Variants in GRM8 observed in about 807,000 individuals in gnomAD.
GRM8 encodes the protein metabotropic glutamate receptor 8.
A neutral mutation model predicts 87.2 loss-of-function variants in GRM8; 47 were observed. The observed-to-expected ratio is 0.54, with a 90% CI of 0.43 to 0.69. The LOEUF (loss-of-function observed/expected upper bound fraction) is 0.69. Among genes scored for constraint, GRM8 ranks in the 30% least tolerant of loss-of-function variants. The pLI is 0.00. For synonymous variants in GRM8, 396 were observed against 404.5 expected, an observed-to-expected ratio of 0.98 and a Z score of 0.25; for missense variants, 1,019 against 1,139.2, an observed-to-expected ratio of 0.89 and a Z score of 1.52.
chr7:126,533,764 G>A lies in GRM8; in HGVS notation c.1618C>T (p.Arg540Cys), dbSNP rs569817460. Residue 540 changes from arginine (R) to cysteine (C), a missense_variant, in exon 9 of 11, where the codon CGC (arginine) becomes TGC (cysteine). Physicochemically the swap from Arg to Cys is radical, Grantham distance 180 (BLOSUM62 -3). Transcript: ENST00000339582. ...ACCTGGTAGTTGTAACCTTCACAGC[G>A]TTCACAGTGCCAGCAGCAAGGGACC... ...KGVPCCWHCE[R>C]CEGYNYQVDE... The A allele has an allele frequency of 3.2e-5, 52 of 1,613,998 alleles. No individual in the cohort carries two copies. Among genetic ancestry groups the A allele is most frequent in the Admixed American group, 5.0e-5 (3 of 60,028 alleles).
intron 3 of GRM8, among the ~76,000 whole-genome samples, chr7:127,007,072 G>T (rs3808130): frequency 1.3e-5 from 2 of 151,922 alleles, no homozygotes; most frequent in East Asian, 1.9e-4. Flanking sequence ...AAAATTCTAC[G>T]TTGGAGAGAA....
At chr7:127,117,289 TG>T (rs1826752065) in intron 2 of GRM8, among the ~76,000 whole-genome samples, 1 of 152,018 alleles carries the variant, frequency 6.6e-6, no homozygotes, top group Non-Finnish European at 1.5e-5. Context: ...TGCTTTGGTT[TG>T]TTTCTTTACA....
chr7:126,904,171 TACC>T lies in GRM8; in HGVS notation c.864-48_864-46del, dbSNP rs1259336710. 6 of 1,479,630 alleles carry T rather than the reference TACC, an allele frequency of 4.1e-6. No individual in the cohort carries two copies. The East Asian group carries it at 6.8e-5, about 17-fold the overall frequency. The allele number at this position is 1,479,630 out of a possible 1,614,324, so 91.7% of individuals were successfully genotyped here. Reference sequence around the variant, plus strand: ...TAATGCATATCACATGTATTAAAAATACCACAATTATGAATATTACAAGACCAG... The same window carrying T: ...TAATGCATATCACATGTATTAAAAATACAATTATGAATATTACAAGACCAG... On this transcript the variant is annotated intron_variant, in intron 4 of 10. Coordinates refer to ENST00000339582, the MANE Select transcript of GRM8 (RefSeq NM_000845.3).
intron 6 of GRM8, among the ~76,000 whole-genome samples, chr7:126,861,130 A>T (rs767663273): frequency 1.3e-5 from 2 of 152,090 alleles, no homozygotes; most frequent in Non-Finnish European, 2.9e-5. Flanking sequence ...TTTCCTACCC[A>T]GACATTATTA....
At chr7:127,153,059 A>G (rs1042629915) in intron 2 of GRM8, among the ~76,000 whole-genome samples, 11 of 152,096 alleles carry the variant, frequency 7.2e-5, no homozygotes, top group Non-Finnish European at 1.5e-4. Flanking sequence ...CAAGACCATA[A>G]CCCAATTACT....
chr7:127,090,206 G>A (rs191139298), intron 3 of GRM8, among the ~76,000 whole-genome samples: 16 of 152,230 alleles, frequency 1.1e-4, no homozygotes, highest in African/African-American at 3.9e-4. Flanking sequence ...TTCTGCACAC[G>A]TACCTCAACT....
chr7:127,215,378 A>G (rs1471618177), intron 2 of GRM8: 1 of 152,168 alleles, frequency 6.6e-6, no homozygotes, highest in East Asian at 1.9e-4. Flanking sequence ...TTTCTAGTCC[A>G]TCTTTTCACT....
intron 3 of GRM8, among the ~76,000 whole-genome samples, chr7:126,945,736 C>G (rs891327575): frequency 4.6e-5 from 7 of 152,118 alleles, no homozygotes; most frequent in Non-Finnish European, 1.0e-4. Flanking sequence ...GATATACAAC[C>G]TATAATTAAC....
intron 9 of GRM8, among the ~76,000 whole-genome samples, chr7:126,482,640 G>A (rs1806831387): frequency 1.3e-5 from 2 of 151,956 alleles, no homozygotes; most frequent in Non-Finnish European, 1.5e-5. Context: ...GGTCTGGGGG[G>A]AAGAGGAATT....
At chr7:127,208,327 A>G (rs1796028424) in intron 2 of GRM8, among the ~76,000 whole-genome samples, 1 of 152,174 alleles carries the variant, frequency 6.6e-6, no homozygotes, top group Non-Finnish European at 1.5e-5. Context: ...CCTATTGAAT[A>G]TGTATACTTG....
At chr7:126,846,840 C>G (rs756770964) in intron 6 of GRM8, among the ~76,000 whole-genome samples, 7 of 152,122 alleles carry the variant, frequency 4.6e-5, no homozygotes, top group Non-Finnish European at 8.8e-5. Context: ...AGTTCACTCT[C>G]TCATGTTACC....
intron 7 of GRM8, among the ~76,000 whole-genome samples, chr7:126,616,698 C>A (rs910146311): frequency 6.6e-6 from 1 of 152,010 alleles, no homozygotes; most frequent in Non-Finnish European, 1.5e-5. Context: ...GGGGATATCA[C>A]CACCAATCCC....
rs552085888 is a variant in GRM8 at position 126,954,203 on chromosome 7, A to G, written c.728-49520T>C. Among the ~76,000 whole-genome samples the G allele has an allele frequency of 2.4e-4, 36 of 152,278 alleles. 1 individual carries two copies. In the South Asian group the frequency reaches 7.5e-3, roughly 32 times the overall value. ...GGAGACACACACCCTTAGAAATATC[A>G]AAGGCAAACTTCCTTGGAAGTCAAG... On this transcript the variant is annotated intron_variant, in intron 3 of 10. Coordinates refer to ENST00000339582, the MANE Select transcript of GRM8 (RefSeq NM_000845.3).
intron 2 of GRM8, among the ~76,000 whole-genome samples, chr7:127,143,557 G>A (rs1307829600): frequency 5.9e-5 from 9 of 152,084 alleles, no homozygotes; most frequent in Admixed American, 5.9e-4. Context: ...ACGACCCTGT[G>A]AGGGAGAAAT....
chr7:126,914,430 A>T (rs550394246), intron 3 of GRM8, among the ~76,000 whole-genome samples: 1 of 152,304 alleles, frequency 6.6e-6, no homozygotes, highest in Non-Finnish European at 1.5e-5. Context: ...TATCTACCCA[A>T]AGGAAAAGAA....
chr7:126,680,416 TA>T (rs1807421230), intron 7 of GRM8, among the ~76,000 whole-genome samples: 1 of 152,242 alleles, frequency 6.6e-6, no homozygotes. Flanking sequence ...TTTAGTTAGG[TA>T]TCTTTAATGC....
chr7:127,026,730 T>C (rs1045750647), intron 3 of GRM8, among the ~76,000 whole-genome samples: 4 of 152,214 alleles, frequency 2.6e-5, no homozygotes, highest in Non-Finnish European at 5.9e-5. Flanking sequence ...TTGTAGATTC[T>C]GGATATTAGT....
intron 3 of GRM8, among the ~76,000 whole-genome samples, chr7:127,018,771 A>G (rs1278612114): frequency 2.0e-5 from 3 of 151,814 alleles, no homozygotes; most frequent in Non-Finnish European, 2.9e-5. Context: ...TACCTTGAAC[A>G]ACAGGTTGGA....
intron 9 of GRM8, among the ~76,000 whole-genome samples, chr7:126,481,696 T>C (rs1469180955): frequency 1.3e-5 from 2 of 151,996 alleles, no homozygotes; most frequent in Non-Finnish European, 2.9e-5. Context: ...CAAGGAAGCA[T>C]GACAACTTAA....
Sources: gnomAD v4.1 joint callset for allele counts (sites outside exome capture counted in the v4.1 genomes callset) on GRCh38, gnomAD v4.1.1 for gene constraint, MANE v1.5 for transcripts, NCBI Gene and HGNC (gene_info 2026-07-23, HGNC 2026-07-21) for gene names.